The following CCDC13 variants were observed in gnomAD, a reference collection of about 807,000 sequenced individuals.
CCDC13 encodes coiled-coil domain containing 13.
A neutral mutation model predicts 87.3 loss-of-function variants in CCDC13; 70 were observed. The observed-to-expected ratio is 0.80, with a 90% CI of 0.66 to 0.98. CCDC13 has a LOEUF of 0.98. Ranked by LOEUF, CCDC13 falls within the 50% of genes least tolerant of loss-of-function variation. The pLI is 0.00. For synonymous variants in CCDC13, 317 were observed against 360.3 expected (o/e 0.88, Z 1.36); for missense variants, 842 against 892.0 (o/e 0.94, Z 0.71).
At chr3:42,758,571 A>G (rs1192345389) in intron 1 of CCDC13, among the ~76,000 whole-genome samples, 1 of 152,198 alleles carries the variant, frequency 6.6e-6, no homozygotes, top group Admixed American at 6.5e-5. Flanking sequence ...CAGATTGCAC[A>G]TGGCATCAGA....
Position 42,766,621 on chromosome 3 carries a change from A to AC in CCDC13, c.-7+6554_-7+6555insG, listed in dbSNP as rs575267274. ...TCCTGTCTCAAAGAAAAAAAAAAAA[A>AC]AACAACCAACCAACCAAACAAACAA... On this transcript the variant is annotated intron_variant, in intron 1 of 15. Transcript: ENST00000310232. Among the ~76,000 whole-genome samples, 12 of 151,526 alleles carry AC rather than the reference A, an allele frequency of 7.9e-5. No individual in the cohort carries two copies. The South Asian group carries it at 2.1e-3, about 26-fold the overall frequency.
intron 1 of CCDC13, among the ~76,000 whole-genome samples, chr3:42,762,501 G>T (rs1378669608): frequency 6.6e-6 from 1 of 152,170 alleles, no homozygotes; most frequent in Non-Finnish European, 1.5e-5. Flanking sequence ...GAGTGACTAA[G>T]GTCAACTGTA....
chr3:42,737,758 G>A (rs958207094), intron 9 of CCDC13, among the ~76,000 whole-genome samples: 2 of 152,000 alleles, frequency 1.3e-5, no homozygotes, highest in African/African-American at 4.8e-5. Context: ...TTTTGATGGG[G>A]TTGTTTTTTT....
At chr3:42,768,937 A>G (rs1699992024) in intron 1 of CCDC13, among the ~76,000 whole-genome samples, 1 of 152,184 alleles carries the variant, frequency 6.6e-6, no homozygotes, top group African/African-American at 2.4e-5. Context: ...TGGGAGTTCC[A>G]GACCAGTCTG....
intron 8 of CCDC13, among the ~76,000 whole-genome samples, chr3:42,740,423 T>C (rs1178443310): frequency 6.6e-6 from 1 of 152,048 alleles, no homozygotes; most frequent in East Asian, 1.9e-4. Flanking sequence ...CTACTATGGG[T>C]TTCCTGAGGT....
chr3:42,745,874 T>G, intron 7 of CCDC13, 49 bp downstream of exon 7: 1 of 1,457,716 alleles, frequency 6.9e-7, no homozygotes, highest in East Asian at 2.3e-5. Context: ...CTTTCTGGGG[T>G]GTTTTAAATC....
intron 6 of CCDC13, 79 bp from the exon 7 acceptor site, chr3:42,746,106 ATAT>A: frequency 4.7e-6 from 5 of 1,066,048 alleles, no homozygotes; most frequent in Non-Finnish European, 7.3e-6. Flanking sequence ...ATTTAGAAGC[ATAT>A]TCAGAAGCAG....
At chr3:42,735,967 G>C in intron 9 of CCDC13, 54 bp from the exon 10 acceptor site, 1 of 1,547,916 alleles carries the variant, frequency 6.5e-7, no homozygotes, top group Admixed American at 1.9e-5. Flanking sequence ...TTTGGGCCGG[G>C]GAGGACAAGA....
intron 13 of CCDC13, among the ~76,000 whole-genome samples, chr3:42,727,227 C>G (rs10865920): frequency 0.27 from 40,551 of 151,834 alleles, 5,449 homozygotes; most frequent in East Asian, 0.34. Context: ...CAAAAATTAG[C>G]TGGGCGTAGT....
rs149454419 is a variant in CCDC13, at chr3:42,706,806, T to G, written c.*2174A>C. The G allele has an allele frequency of 6.6e-6, 1 of 152,244 alleles. No individual in the cohort carries two copies. Among genetic ancestry groups the G allele is most frequent in the Non-Finnish European group, 1.5e-5 (1 of 68,052 alleles). The allele number at this position is 152,244 out of a possible 1,614,324, so 9.4% of individuals were successfully genotyped here. A position where few individuals can be genotyped will look rare whatever the true frequency, so the allele number is the denominator to read the frequency against. On this transcript the variant is annotated 3_prime_UTR_variant, in exon 16 of 16. Transcript: ENST00000310232. ...AACGTCTTTGGGTTATTCTTTGACATACATATTAATAACAGCCCCCTGAGG... is the reference window on the plus strand; with the variant it reads ...AACGTCTTTGGGTTATTCTTTGACAGACATATTAATAACAGCCCCCTGAGG...
chr3:42,723,244 G>A (rs560982539), intron 13 of CCDC13, among the ~76,000 whole-genome samples: 15 of 152,270 alleles, frequency 9.9e-5, no homozygotes, highest in Middle Eastern at 3.4e-3. Flanking sequence ...ATGTCTTCAA[G>A]GCCAGCAAGA....
chr3:42,745,864 C>A, intron 7 of CCDC13, 59 bp downstream of exon 7: 2 of 1,416,336 alleles, frequency 1.4e-6, no homozygotes, highest in Non-Finnish European at 2.0e-6. Flanking sequence ...CAGGGCAGCT[C>A]TTTCTGGGGT....
At chr3:42,756,549 A>G (rs1363011505) in intron 3 of CCDC13, among the ~76,000 whole-genome samples, 2 of 150,622 alleles carry the variant, frequency 1.3e-5, no homozygotes, top group African/African-American at 4.9e-5. Flanking sequence ...TGGAGCAGCA[A>G]CAGCAGGTGC....
chr3:42,713,149 C>A lies in CCDC13; in HGVS notation c.1873+13G>T. On this transcript the variant is annotated intron_variant, in intron 14 of 15. Transcript: ENST00000310232. Reference sequence around the variant, plus strand: ...TCCACCCCCTGCACTGAGACTACTGCCCTGGCCCCTACCTGTTTTGGTCCT... The same window carrying A: ...TCCACCCCCTGCACTGAGACTACTGACCTGGCCCCTACCTGTTTTGGTCCT... The A allele has an allele frequency of 6.2e-7, 1 of 1,612,558 alleles. No individual in the cohort carries two copies. Among genetic ancestry groups the A allele is most frequent in the Non-Finnish European group, 8.5e-7 (1 of 1,179,236 alleles).
chr3:42,727,897 G>T (rs1698726091), intron 13 of CCDC13, among the ~76,000 whole-genome samples: 1 of 151,932 alleles, frequency 6.6e-6, no homozygotes, highest in Admixed American at 6.6e-5. Flanking sequence ...AAGGAACAAA[G>T]AAAAATCATG....
At chr3:42,737,396 T>C (rs954878687) in intron 9 of CCDC13, among the ~76,000 whole-genome samples, 3 of 152,200 alleles carry the variant, frequency 2.0e-5, no homozygotes, top group Non-Finnish European at 4.4e-5. Flanking sequence ...GTCTTTATAG[T>C]AGCATGATTT....
At chr3:42,734,068 C>A (rs1698918735) in intron 10 of CCDC13, among the ~76,000 whole-genome samples, 1 of 152,184 alleles carries the variant, frequency 6.6e-6, no homozygotes, top group African/African-American at 2.4e-5. Context: ...GGGCAGGCAG[C>A]CTTGGGTGGA....
At position 42,745,919 on chromosome 3, in the gene CCDC13, T is replaced by G; in HGVS notation, c.825+4A>C. 6.2e-7 allele frequency: 1 copy of G among 1,609,806 alleles called. No individual in the cohort carries two copies. The highest frequency in any genetic ancestry group is 2.2e-5 in the East Asian group (1 of 44,856). Reference sequence around the variant, plus strand: ...GGCCAGGAGAAGTCTGATGACTCACTCACCTTGCTCTGCAAAACAAGAATT... The same window carrying G: ...GGCCAGGAGAAGTCTGATGACTCACGCACCTTGCTCTGCAAAACAAGAATT... On this transcript the variant is annotated splice_donor_region_variant and intron_variant, in intron 7 of 15. Coordinates refer to ENST00000310232, the MANE Select transcript of CCDC13 (RefSeq NM_144719.4).
intron 9 of CCDC13, among the ~76,000 whole-genome samples, chr3:42,736,850 A>G (rs1282120295): frequency 6.6e-6 from 1 of 152,144 alleles, no homozygotes; most frequent in East Asian, 1.9e-4. Flanking sequence ...CCCACAGAGA[A>G]AAGTCCAAGC....
Sources: allele counts gnomAD v4.1 joint callset (sites outside exome capture counted in the v4.1 genomes callset), GRCh38; gene constraint gnomAD v4.1.1; transcripts MANE v1.5; gene names NCBI Gene and HGNC (gene_info 2026-07-23, HGNC 2026-07-21).